Variants in MAN2A1 observed in about 807,000 individuals in gnomAD.
MAN2A1 encodes the protein alpha-mannosidase 2.
In MAN2A1, 76 loss-of-function variants were observed where a neutral mutation model predicts 142.6. The observed-to-expected ratio is 0.53, with a 90% CI of 0.44 to 0.65. The LOEUF is 0.65. MAN2A1 is among the 30% of genes least tolerant of loss of function. The pLI, the probability that MAN2A1 is intolerant of heterozygous loss-of-function variation, is 0.00. For missense variants in MAN2A1, 1,311 were observed against 1,365.1 expected (o/e 0.96, Z 0.62); for synonymous variants, 559 against 473.2 (o/e 1.18, Z -2.35).
At chr5:109,851,436 C>T (rs1235194183) in intron 19 of MAN2A1, among the ~76,000 whole-genome samples, 1 of 152,092 alleles carries the variant, frequency 6.6e-6, no homozygotes, top group African/African-American at 2.4e-5. Flanking sequence ...GGATCTGCCT[C>T]ATGAATGAAT....
At chr5:109,863,761 T>C (rs1755813178) in intron 20 of MAN2A1, 3 of 152,228 alleles carry the variant, frequency 2.0e-5, no homozygotes. Context: ...GTTATTTTTA[T>C]AGTACATGGG....
intron 4 of MAN2A1, among the ~76,000 whole-genome samples, chr5:109,731,441 A>G (rs1582833679): frequency 6.6e-6 from 1 of 151,110 alleles, no homozygotes; most frequent in Non-Finnish European, 1.5e-5. Context: ...TACATGTGCT[A>G]TGCTGGTGTG....
intron 3 of MAN2A1, among the ~76,000 whole-genome samples, chr5:109,725,232 A>C (rs1751710710): frequency 6.6e-6 from 1 of 152,212 alleles, no homozygotes; most frequent in African/African-American, 2.4e-5. Flanking sequence ...AGTGATCTAG[A>C]AGACCAAATG....
chr5:109,755,832 C>T (rs6865201), intron 5 of MAN2A1, among the ~76,000 whole-genome samples: 106,354 of 151,804 alleles, frequency 0.7, 38,628 homozygotes, highest in East Asian at 0.94. Context: ...TCCAGAGATA[C>T]GGTAGCTTCA....
chr5:109,785,578 G>A (rs536989117), intron 10 of MAN2A1, among the ~76,000 whole-genome samples: 36 of 152,116 alleles, frequency 2.4e-4, no homozygotes, highest in African/African-American at 8.7e-4. Context: ...GAAACAATGA[G>A]TATAGGCATG....
chr5:109,810,507 T>A (rs919115415), intron 12 of MAN2A1, among the ~76,000 whole-genome samples: 1 of 152,178 alleles, frequency 6.6e-6, no homozygotes, highest in Non-Finnish European at 1.5e-5. Flanking sequence ...TCTGTTCAGG[T>A]TTTAAGCTTC....
chr5:109,866,734 A>G, intron 21 of MAN2A1, 112 bp from the exon 22 acceptor site: 1 of 613,240 alleles, frequency 1.6e-6, no homozygotes, highest in Non-Finnish European at 2.8e-6. Context: ...TCAAAAGAGA[A>G]CTTCAACATA....
intron 16 of MAN2A1, among the ~76,000 whole-genome samples, chr5:109,825,341 A>G (rs955442101): frequency 5.9e-5 from 9 of 152,180 alleles, no homozygotes; most frequent in African/African-American, 2.2e-4. Context: ...TTTGGCACAA[A>G]CTTGTGTCAT....
At chr5:109,826,479 A>G (rs1471089180) in intron 16 of MAN2A1, among the ~76,000 whole-genome samples, 1 of 152,040 alleles carries the variant, frequency 6.6e-6, no homozygotes, top group South Asian at 2.1e-4. Context: ...TACCAGAATC[A>G]CCTGAAATGC....
At chr5:109,741,772 T>G (rs1752274436) in intron 4 of MAN2A1, among the ~76,000 whole-genome samples, 1 of 152,212 alleles carries the variant, frequency 6.6e-6, no homozygotes, top group Non-Finnish European at 1.5e-5. Context: ...AGTGAAAATC[T>G]AGTTAACTAA....
At chr5:109,825,445 C>G (rs1413948688) in intron 16 of MAN2A1, among the ~76,000 whole-genome samples, 2 of 152,154 alleles carry the variant, frequency 1.3e-5, no homozygotes, top group Admixed American at 6.5e-5. Flanking sequence ...AAAATTCCAA[C>G]TTCTCAATCA....
At chr5:109,860,512 G>A (rs145717381) in intron 20 of MAN2A1, among the ~76,000 whole-genome samples, 2 of 152,310 alleles carry the variant, frequency 1.3e-5, no homozygotes, top group East Asian at 3.9e-4. Context: ...TACTAACCGT[G>A]TGAAGAGGGT....
intron 12 of MAN2A1, among the ~76,000 whole-genome samples, chr5:109,812,790 C>G (rs1754353289): frequency 6.6e-6 from 1 of 152,034 alleles, no homozygotes. Flanking sequence ...TGGAACTGCT[C>G]TGATAAAACT....
At chr5:109,835,337 A>G (rs1755029115) in intron 16 of MAN2A1, among the ~76,000 whole-genome samples, 1 of 152,206 alleles carries the variant, frequency 6.6e-6, no homozygotes, top group African/African-American at 2.4e-5. Context: ...CTCTGCTCAG[A>G]CACAGATTGG....
At chr5:109,866,802 T>G in intron 21 of MAN2A1, 44 bp from the exon 22 acceptor site, 1 of 1,346,906 alleles carries the variant, frequency 7.4e-7, no homozygotes, top group Non-Finnish European at 1.1e-6. Context: ...CTGCTAATCT[T>G]CAAAGTTGAT....
intron 6 of MAN2A1, among the ~76,000 whole-genome samples, chr5:109,769,892 A>T (rs1036778506): frequency 6.6e-6 from 1 of 151,908 alleles, no homozygotes; most frequent in Admixed American, 6.6e-5. Flanking sequence ...TATGCTCCAC[A>T]CTTCCTTTGT....
In MAN2A1 at chr5:109,770,505, C is replaced by T. The variant is rs150646560; in HGVS notation, c.1160C>T (p.Pro387Leu). Reference protein sequence around the residue: ...GGRFGCPWGVPPETIHPGNVQ... With the variant: ...GGRFGCPWGVLPETIHPGNVQ... ...AGATTTGGTTGTCCCTGGGGAGTCCCCCCAGAAACAATACATCCTGGAAAT... is the reference window on the plus strand; with the variant it reads ...AGATTTGGTTGTCCCTGGGGAGTCCTCCCAGAAACAATACATCCTGGAAAT... The change falls in exon 7 of 22, where the codon CCC becomes CTC. Residue 387 changes from proline to leucine, a missense_variant. By Grantham distance (98) the Pro-to-Leu change is moderately conservative (BLOSUM62 -3). Transcript: ENST00000261483. 8.1e-5 allele frequency: 131 copies of T among 1,613,886 alleles called. No individual in the cohort carries two copies. In the East Asian group the frequency reaches 2.9e-3, roughly 36 times the overall value.
chr5:109,804,562 T>G (rs947373987), intron 12 of MAN2A1, among the ~76,000 whole-genome samples: 27 of 152,140 alleles, frequency 1.8e-4, no homozygotes, highest in Admixed American at 6.6e-4. Flanking sequence ...TTTTCTCTAG[T>G]GTTTTGTATC....
intron 3 of MAN2A1, among the ~76,000 whole-genome samples, chr5:109,720,070 T>C (rs1751559190): frequency 6.6e-6 from 1 of 152,202 alleles, no homozygotes; most frequent in Non-Finnish European, 1.5e-5. Context: ...ACAGCACCTC[T>C]GTATCTATAA....
Sources: gnomAD v4.1 joint callset for allele counts (sites outside exome capture counted in the v4.1 genomes callset) on GRCh38, gnomAD v4.1.1 for gene constraint, MANE v1.5 for transcripts, NCBI Gene and HGNC (gene_info 2026-07-23, HGNC 2026-07-21) for gene names.